DIP2C: variants seen among roughly 807,000 people sequenced by gnomAD.
DIP2C encodes DIP2 acetate--CoA ligase C (putative), also known as disco-interacting protein 2 homolog C.
In DIP2C, 33 loss-of-function variants were observed where a neutral mutation model predicts 192.4. The ratio of observed to expected loss-of-function variants is 0.17; its 90% CI spans 0.13 to 0.23. DIP2C has a LOEUF of 0.23. Among genes scored for constraint, DIP2C ranks in the 10% least tolerant of loss-of-function variants. The pLI, the probability that DIP2C is intolerant of heterozygous loss-of-function variation, is 1.00. For missense variants in DIP2C, 1,537 were observed against 2,110.1 expected (o/e 0.73, Z 5.32); for synonymous variants, 979 against 864.1 (o/e 1.13, Z -2.33).
chr10:363,343 G>A lies in DIP2C; in HGVS notation c.2478-32C>T, dbSNP rs758358175. On this transcript the variant is annotated intron_variant, in intron 20 of 36. Coordinates refer to ENST00000280886, the MANE Select transcript of DIP2C (RefSeq NM_014974.3). This position sits in a 1 kb window ranked among gnomAD's most constrained non-coding sequence, Gnocchi z 5.4. ...GGACACAGGAGCATGGTGAGCACGC[G>A]CCGGGGACGCTCATGCAGCCCTCCC... 9.4e-6 allele frequency: 15 copies of A among 1,587,440 alleles called. No individual in the cohort carries two copies. The highest frequency in any genetic ancestry group is 9.0e-5 in the East Asian group (4 of 44,654).
intron 28 of DIP2C, 61 bp downstream of exon 28, chr10:344,748 G>A (rs1564587974): frequency 9.8e-6 from 14 of 1,427,638 alleles, no homozygotes; most frequent in Non-Finnish European, 1.4e-5. Context: ...CACGTGACCT[G>A]CCACCTCCAG....
chr10:383,000 T>TTAA (rs1962516476), intron 16 of DIP2C, among the ~76,000 whole-genome samples: 2 of 152,234 alleles, frequency 1.3e-5, no homozygotes, highest in South Asian at 4.1e-4. Flanking sequence ...ACAGATGAAC[T>TTAA]TACTTTAGTA....
chr10:566,857 A>C (rs1849495734), intron 1 of DIP2C, among the ~76,000 whole-genome samples: 1 of 152,224 alleles, frequency 6.6e-6, no homozygotes, highest in African/African-American at 2.4e-5. Flanking sequence ...CCACAGAGAC[A>C]TCTCATCCAC....
intron 1 of DIP2C, among the ~76,000 whole-genome samples, chr10:519,539 C>G (rs937178136): frequency 1.3e-5 from 2 of 152,192 alleles, no homozygotes; most frequent in Admixed American, 1.3e-4. Flanking sequence ...GAAATCAGGA[C>G]GTGCACAGGC....
chr10:528,891 T>TA, intron 1 of DIP2C, among the ~76,000 whole-genome samples: 1 of 152,322 alleles, frequency 6.6e-6, no homozygotes, highest in Non-Finnish European at 1.5e-5. Flanking sequence ...TGGAACTTCC[T>TA]AGGTCCCCAC....
rs757230987 is a variant in DIP2C at position 472,467 on chromosome 10, T to G, written c.240A>C (p.Ser80=). The change falls in exon 3 of 37, where the codon TCA becomes TCC. Residue 80 remains serine, a synonymous_variant. Transcript: ENST00000280886. ...ACCGATAGCGCTCATCTCGTGACCC[T>G]GAAGACCGTCGGCGGTGGTAGCGAG... The part of the protein sequence containing the change: ...SASRYHRRRS[S]GSRDERYRSD... The G allele has an allele frequency of 6.2e-7, 1 of 1,614,048 alleles. No individual in the cohort carries two copies.
At chr10:543,765 A>T (rs1487804912) in intron 1 of DIP2C, among the ~76,000 whole-genome samples, 1 of 152,252 alleles carries the variant, frequency 6.6e-6, no homozygotes, top group Non-Finnish European at 1.5e-5. Flanking sequence ...AGCATTTACA[A>T]ACCATAAAAT....
At position 476,599 on chromosome 10, in the gene DIP2C, G is replaced by A. The variant is rs116374083; in HGVS notation, c.158-4050C>T. On this transcript the variant is annotated intron_variant, in intron 2 of 36. Coordinates refer to ENST00000280886, the MANE Select transcript of DIP2C (RefSeq NM_014974.3). ...GAGCGGCCCGGTGTCACCCTTGTGC[G>A]GTGTCTGAACATTCTCCCGTGACTG... Among the ~76,000 whole-genome samples, 754 of 152,250 alleles carry A rather than the reference G, an allele frequency of 5.0e-3. 7 individuals carry two copies. Among genetic ancestry groups the A allele is most frequent in the African/African-American group, 0.017 (695 of 41,534 alleles).
chr10:419,201 T>C lies in DIP2C; in HGVS notation c.605-2A>G, dbSNP rs1966004227. ...CGTCAGGAGGTGCAGAATGATTTTC[T>C]GTAAAGAAACACATCATGAGATTTT... On this transcript the variant is annotated splice_acceptor_variant, in intron 5 of 36. Coordinates refer to ENST00000280886, the MANE Select transcript of DIP2C (RefSeq NM_014974.3). LOFTEE classifies it high-confidence loss of function. 1 of 1,614,076 alleles carries C rather than the reference T, an allele frequency of 6.2e-7. No individual in the cohort carries two copies. Among genetic ancestry groups the C allele is most frequent in the Non-Finnish European group, 8.5e-7 (1 of 1,180,038 alleles).
At chr10:366,877 C>T (rs552651275) in intron 18 of DIP2C, among the ~76,000 whole-genome samples, 21 of 152,298 alleles carry the variant, frequency 1.4e-4, no homozygotes, top group African/African-American at 4.1e-4. Context: ...GCTTTGCACA[C>T]GGTTCAATGC....
intron 17 of DIP2C, among the ~76,000 whole-genome samples, chr10:377,673 C>T (rs1264679903): frequency 6.6e-6 from 1 of 152,184 alleles, no homozygotes; most frequent in Non-Finnish European, 1.5e-5. Flanking sequence ...CTGACGTTTT[C>T]TCCGCTGTCA....
At position 685,135 on chromosome 10, in the gene DIP2C, CAAAAAAAAAAAA is replaced by C. The variant is rs140709069; in HGVS notation, c.85+4347_85+4358del. Among the ~76,000 whole-genome samples the C allele has an allele frequency of 7.0e-3, 506 of 72,784 alleles. 4 individuals are homozygous for C. Among genetic ancestry groups the C allele is most frequent in the African/African-American group, 0.034 (470 of 13,728 alleles). The allele number at this position is 72,784 out of a possible 152,430, so 47.7% of individuals were successfully genotyped here. A position where few individuals can be genotyped will look rare whatever the true frequency, so the allele number is the denominator to read the frequency against. ...GGCAACAAGAGTGAAACTTGGTCCC[CAAAAAAAAAAAA>C]AAAAAAAAAAAAAAATATATATATA... On this transcript the variant is annotated intron_variant, in intron 1 of 36. Coordinates refer to ENST00000280886, the MANE Select transcript of DIP2C (RefSeq NM_014974.3).
intron 1 of DIP2C, among the ~76,000 whole-genome samples, chr10:578,879 G>A (rs576969345): frequency 1.4e-3 from 217 of 152,078 alleles, no homozygotes; most frequent in Non-Finnish European, 2.7e-3. Context: ...ACACATGTAC[G>A]TGCATAGAGC....
chr10:441,758 C>T (rs1967757011), intron 3 of DIP2C, among the ~76,000 whole-genome samples: 1 of 152,176 alleles, frequency 6.6e-6, no homozygotes, highest in African/African-American at 2.4e-5. Flanking sequence ...TCTTTATCAG[C>T]AATGTGAAAA....
chr10:603,723 G>A (rs1406840967), intron 1 of DIP2C, among the ~76,000 whole-genome samples: 1 of 152,178 alleles, frequency 6.6e-6, no homozygotes, highest in African/African-American at 2.4e-5. Context: ...TAGATACAAT[G>A]CATTAACTTC....
chr10:492,710 G>A (rs1000357123), intron 1 of DIP2C, among the ~76,000 whole-genome samples: 1 of 152,130 alleles, frequency 6.6e-6, no homozygotes, highest in Non-Finnish European at 1.5e-5. Flanking sequence ...CCAGGCAGGT[G>A]GACAAGGTCA....
chr10:370,292 A>C (rs1021117047), intron 17 of DIP2C, among the ~76,000 whole-genome samples: 3 of 152,214 alleles, frequency 2.0e-5, no homozygotes, highest in African/African-American at 7.2e-5. Flanking sequence ...CACTGCGCAC[A>C]CGTTCACCAC....
intron 18 of DIP2C, 88 bp downstream of exon 18, chr10:369,405 CG>C: frequency 1.4e-6 from 2 of 1,450,296 alleles, no homozygotes; most frequent in South Asian, 3.0e-5. Context: ...CACGGGAACG[CG>C]GGAACGTGGG....
At chr10:484,868 T>A (rs537114260) in intron 2 of DIP2C, 1 of 1,611,870 alleles carries the variant, frequency 6.2e-7, no homozygotes, top group African/African-American at 1.3e-5. Flanking sequence ...CACACCCCGA[T>A]GTGGGCAGAG....
Sources: gnomAD v4.1 joint callset for allele counts (sites outside exome capture counted in the v4.1 genomes callset) on GRCh38, gnomAD v4.1.1 for gene constraint, Gnocchi (gnomAD v3.1) non-coding constraint, MANE v1.5 for transcripts, NCBI Gene and HGNC (gene_info 2026-07-23, HGNC 2026-07-21) for gene names.